Variants in KIF4A observed in about 807,000 individuals in gnomAD.
KIF4A encodes chromosome-associated kinesin KIF4A.
In KIF4A, 7 loss-of-function variants were observed where a neutral mutation model predicts 105.9. That is an observed-to-expected ratio of 0.07 (90% CI 0.04 to 0.12). KIF4A has a LOEUF of 0.12. Ranked by LOEUF, KIF4A falls within the 10% of genes least tolerant of loss-of-function variation. KIF4A has a pLI of 1.00. For missense variants in KIF4A, 558 were observed against 929.2 expected (o/e 0.60, Z 5.19); for synonymous variants, 281 against 331.3 (o/e 0.85, Z 1.65).
rs528447562 is a variant in KIF4A at position 70,333,645 on chromosome X, C to G, written c.1089C>G (p.Val363=). The G allele has an allele frequency of 2.5e-6, 3 of 1,202,901 alleles. No individual in the cohort carries two copies. In the South Asian group the frequency reaches 5.3e-5, roughly 21 times the overall value. Residue 363 remains valine, a synonymous_variant, in exon 10 of 31, where the codon GTC becomes GTG. Transcript: ENST00000374403. ...HLKQQVQQLQ[V]LLLQAHGGTL... ...TCTCCCAGGTACAACAGCTACAAGT[C>G]TTGTTGCTACAGGCCCATGGAGGTA... is the stretch of plus-strand genomic sequence containing the variant.
intron 7 of KIF4A, among the ~76,000 whole-genome samples, chrX:70,303,032 C>T (rs1422215372): frequency 8.9e-6 from 1 of 111,974 alleles, no homozygotes; most frequent in African/African-American, 3.2e-5. Flanking sequence ...CTGTATTTCT[C>T]ATAGCTACCA....
chrX:70,360,494 C>T (rs1050762049), intron 15 of KIF4A, among the ~76,000 whole-genome samples: 1 of 113,066 alleles, frequency 8.8e-6, no homozygotes, highest in African/African-American at 3.2e-5. Flanking sequence ...GAGGGCTCAG[C>T]CACGTGGGTG....
At chrX:70,379,703 A>G (rs2086189634) in intron 18 of KIF4A, among the ~76,000 whole-genome samples, 1 of 108,606 alleles carries the variant, frequency 9.2e-6, no homozygotes, top group Admixed American at 9.9e-5. Context: ...AGACACAAGA[A>G]TTGCTTGAAC....
At chrX:70,401,377 C>A (rs981237686) in intron 22 of KIF4A, among the ~76,000 whole-genome samples, 1 of 104,667 alleles carries the variant, frequency 9.6e-6, no homozygotes, top group Non-Finnish European at 2.0e-5. Context: ...CTCGCCCAGC[C>A]TAGGTTTATG....
chrX:70,394,396 G>T (rs2086251567), intron 20 of KIF4A, among the ~76,000 whole-genome samples: 1 of 110,313 alleles, frequency 9.1e-6, no homozygotes, highest in South Asian at 3.9e-4. Context: ...TAGAGACAGG[G>T]TCTCACTATG....
At chrX:70,412,935 AAAAG>A (rs199588316) in intron 28 of KIF4A, among the ~76,000 whole-genome samples, 110 of 66,503 alleles carry the variant, frequency 1.7e-3, no homozygotes, top group South Asian at 2.1e-3. Flanking sequence ...TAAAAAAAAA[AAAAG>A]AAGGGCATTT....
intron 3 of KIF4A, among the ~76,000 whole-genome samples, chrX:70,295,483 A>G (rs1875139214): frequency 9.0e-6 from 1 of 110,974 alleles, no homozygotes; most frequent in African/African-American, 3.3e-5. Context: ...CAATAAACTC[A>G]AACAGAAATA....
intron 27 of KIF4A, 151 bp downstream of exon 27, chrX:70,406,505 C>T: frequency 2.1e-6 from 1 of 483,491 alleles, no homozygotes; most frequent in South Asian, 3.5e-5. Context: ...ACAGTTCAAT[C>T]CTAAGGAAAG....
intron 20 of KIF4A, among the ~76,000 whole-genome samples, chrX:70,393,798 T>C: frequency 1.0e-5 from 1 of 97,751 alleles, no homozygotes; most frequent in Non-Finnish European, 2.0e-5. Flanking sequence ...TCTTTTCTTT[T>C]CTCTTTCTTT....
intron 15 of KIF4A, among the ~76,000 whole-genome samples, chrX:70,360,237 A>G (rs2086069486): frequency 8.9e-6 from 1 of 112,432 alleles, no homozygotes; most frequent in South Asian, 3.7e-4. Flanking sequence ...GAAGACATGA[A>G]AATCCAAAGA....
At chrX:70,315,842 A>G (rs1048242970) in intron 7 of KIF4A, among the ~76,000 whole-genome samples, 4 of 111,981 alleles carry the variant, frequency 3.6e-5, no homozygotes, top group African/African-American at 1.3e-4. Context: ...ACACTCACAT[A>G]AGCAGTATTG....
intron 15 of KIF4A, among the ~76,000 whole-genome samples, chrX:70,355,515 A>T (rs760740101): frequency 2.7e-5 from 3 of 111,984 alleles, no homozygotes; most frequent in African/African-American, 9.7e-5. Context: ...TTGCACTTCT[A>T]TCAAGTTCCC....
intron 7 of KIF4A, among the ~76,000 whole-genome samples, chrX:70,308,763 C>A (rs1324409312): frequency 9.0e-6 from 1 of 111,457 alleles, no homozygotes; most frequent in Non-Finnish European, 1.9e-5. Flanking sequence ...GCACATGCTG[C>A]CATGCATGAC....
chrX:70,310,016 C>A (rs772536990), intron 7 of KIF4A, among the ~76,000 whole-genome samples: 6 of 112,344 alleles, frequency 5.3e-5, no homozygotes, highest in Non-Finnish European at 7.5e-5. Context: ...GCACTCCAGG[C>A]TGGGTGACAG....
chrX:70,398,003 TC>T (rs1200732943), intron 22 of KIF4A, among the ~76,000 whole-genome samples: 1 of 111,766 alleles, frequency 8.9e-6, no homozygotes, highest in Non-Finnish European at 1.9e-5. Context: ...AAGTTACAAA[TC>T]AGGGCTGGGG....
At chrX:70,388,378 A>AT (rs1279117048) in intron 20 of KIF4A, among the ~76,000 whole-genome samples, 3 of 110,918 alleles carry the variant, frequency 2.7e-5, no homozygotes, top group African/African-American at 9.8e-5. Context: ...GCCTGTGTGG[A>AT]TTTTTTTTAA....
At chrX:70,409,258 A>C (rs1212747543) in intron 28 of KIF4A, among the ~76,000 whole-genome samples, 1 of 112,078 alleles carries the variant, frequency 8.9e-6, no homozygotes, top group Non-Finnish European at 1.9e-5. Flanking sequence ...CAGAAAGGGA[A>C]ATACAGTCTT....
At chrX:70,301,348 C>T (rs138378115) in intron 5 of KIF4A, among the ~76,000 whole-genome samples, 35 of 111,235 alleles carry the variant, frequency 3.1e-4, no homozygotes, top group African/African-American at 1.1e-3. Flanking sequence ...GCATCTAGTC[C>T]AATCACCTCA....
At chrX:70,314,372 A>G (rs985215110) in intron 7 of KIF4A, among the ~76,000 whole-genome samples, 5 of 112,123 alleles carry the variant, frequency 4.5e-5, no homozygotes, top group Non-Finnish European at 7.5e-5. Context: ...AAGGAGATGT[A>G]CCCAAGTGTC....
Sources: gnomAD v4.1 joint callset for allele counts (sites outside exome capture counted in the v4.1 genomes callset) on GRCh38, gnomAD v4.1.1 for gene constraint, MANE v1.5 for transcripts, NCBI Gene and HGNC (gene_info 2026-07-23, HGNC 2026-07-21) for gene names.